The following MSL2 variants were observed in gnomAD, a reference collection of about 807,000 sequenced individuals.
MSL2 encodes the protein E3 ubiquitin-protein ligase MSL2.
Under a neutral mutation model 35.8 loss-of-function variants are expected in MSL2, and 2 were observed. The ratio of observed to expected loss-of-function variants is 0.06; its 90% CI spans 0.02 to 0.18. The LOEUF (loss-of-function observed/expected upper bound fraction) is 0.18, where lower values mean the gene tolerates loss of function less well. MSL2 is among the 10% of genes least tolerant of loss of function. MSL2 has a pLI of 1.00. For missense variants in MSL2, 523 were observed against 706.7 expected, an observed-to-expected ratio of 0.74 and a Z score of 2.95; for synonymous variants, 296 against 255.7, an observed-to-expected ratio of 1.16 and a Z score of -1.50.
chr3:136,167,324 G>A (rs1448948102), intron 1 of MSL2, among the ~76,000 whole-genome samples: 3 of 150,206 alleles, frequency 2.0e-5, no homozygotes, highest in African/African-American at 7.5e-5. Flanking sequence ...AGTGAAAAAT[G>A]GTTTAGTTGT....
chr3:136,175,541 G>C (rs754973158), intron 1 of MSL2, among the ~76,000 whole-genome samples: 1 of 151,964 alleles, frequency 6.6e-6, no homozygotes, highest in Non-Finnish European at 1.5e-5. Context: ...AACAAAATTA[G>C]CCAGACATGG....
At chr3:136,161,466 A>G (rs941375216) in intron 1 of MSL2, among the ~76,000 whole-genome samples, 2 of 152,234 alleles carry the variant, frequency 1.3e-5, no homozygotes, top group African/African-American at 4.8e-5. Context: ...ACACAATCCA[A>G]ATGTCCATTA....
At chr3:136,194,419 A>T in intron 1 of MSL2, 17 of 985,482 alleles carry the variant, frequency 1.7e-5, no homozygotes, top group Non-Finnish European at 2.0e-5. Context: ...TTCGAGTACC[A>T]ACAGCCTTCC....
chr3:136,172,367 T>TC (rs1034993967), intron 1 of MSL2, among the ~76,000 whole-genome samples: 2 of 151,468 alleles, frequency 1.3e-5, no homozygotes, highest in East Asian at 3.9e-4. Flanking sequence ...CCTCCCATAC[T>TC]CCCCCCACCC....
intron 1 of MSL2, among the ~76,000 whole-genome samples, chr3:136,166,514 T>C (rs186331057): frequency 2.0e-5 from 3 of 152,320 alleles, no homozygotes; most frequent in Admixed American, 2.0e-4. Flanking sequence ...ACCTTCCCTC[T>C]TATTAAAACA....
intron 1 of MSL2, among the ~76,000 whole-genome samples, chr3:136,165,090 G>C (rs1031321078): frequency 1.3e-5 from 2 of 151,742 alleles, no homozygotes; most frequent in African/African-American, 4.8e-5. Context: ...GGCCAGGCTG[G>C]TCTTGAACTG....
At chr3:136,173,199 A>G in intron 1 of MSL2, among the ~76,000 whole-genome samples, 1 of 152,192 alleles carries the variant, frequency 6.6e-6, no homozygotes, top group East Asian at 1.9e-4. Context: ...AAGGTGGAAC[A>G]TACTTCTTTC....
intron 1 of MSL2, among the ~76,000 whole-genome samples, chr3:136,189,308 A>T (rs1340950025): frequency 1.1e-4 from 14 of 130,522 alleles, no homozygotes; most frequent in South Asian, 2.5e-4. Flanking sequence ...CGAGAAAATT[A>T]AAAAAAAAAA....
intron 1 of MSL2, among the ~76,000 whole-genome samples, chr3:136,171,144 T>C (rs1269510296): frequency 1.3e-5 from 2 of 152,192 alleles, no homozygotes; most frequent in Non-Finnish European, 1.5e-5. Context: ...GTTAAATCTT[T>C]AAAAATTTAG....
At position 136,195,710 on chromosome 3, in the gene MSL2, G is replaced by A; in HGVS notation, c.-597C>T. 1 of 985,326 alleles carries A rather than the reference G, an allele frequency of 1.0e-6. No homozygotes were observed. Among genetic ancestry groups the A allele is most frequent in the Non-Finnish European group, 1.2e-6 (1 of 829,880 alleles). The allele number at this position is 985,326 out of a possible 1,614,324, so 61.0% of individuals were successfully genotyped here. A position where few individuals can be genotyped will look rare whatever the true frequency, so the allele number is the denominator to read the frequency against. On this transcript the variant is annotated 5_prime_UTR_variant, in exon 1 of 2. Coordinates refer to ENST00000309993, the MANE Select transcript of MSL2 (RefSeq NM_018133.4). ...GATGTTGCGGCTGGCGGACGCCGCC[G>A]CCGCGCTCTCCATATCGGACGCGGG...
intron 1 of MSL2, among the ~76,000 whole-genome samples, chr3:136,169,438 G>A (rs1276032825): frequency 6.6e-6 from 1 of 151,970 alleles, no homozygotes; most frequent in Non-Finnish European, 1.5e-5. Flanking sequence ...ATTGGTTTTG[G>A]TGGGTTGTTT....
At chr3:136,164,530 C>T (rs571305289) in intron 1 of MSL2, among the ~76,000 whole-genome samples, 15 of 152,212 alleles carry the variant, frequency 9.9e-5, no homozygotes, top group Non-Finnish European at 2.1e-4. Context: ...ATACACTTCA[C>T]AATGAAGGCA....
At position 136,157,771 on chromosome 3, in the gene MSL2, A is replaced by C. The variant is rs142208351; in HGVS notation, c.143-5033T>G. Among the ~76,000 whole-genome samples, 8 of 152,380 alleles carry C rather than the reference A, an allele frequency of 5.3e-5. No individual in the cohort carries two copies. The East Asian group carries it at 1.2e-3, about 22-fold the overall frequency. On this transcript the variant is annotated intron_variant, in intron 1 of 1. Coordinates refer to ENST00000309993, the MANE Select transcript of MSL2 (RefSeq NM_018133.4). ...CGATGAAATGGATACATTTCTCTAA[A>C]GACACAAATGACCAAAATTCACTGG... is the stretch of plus-strand genomic sequence containing the variant.
chr3:136,187,040 T>C (rs1439379258), intron 1 of MSL2, among the ~76,000 whole-genome samples: 2 of 152,156 alleles, frequency 1.3e-5, no homozygotes, highest in East Asian at 3.8e-4. Flanking sequence ...TTTTCCCAAA[T>C]ATTTTAGATC....
chr3:136,175,731 C>G (rs529457398), intron 1 of MSL2, among the ~76,000 whole-genome samples: 6 of 152,212 alleles, frequency 3.9e-5, no homozygotes, highest in East Asian at 1.9e-4. Context: ...GAACAATAAC[C>G]GTTTCATAAT....
intron 1 of MSL2, among the ~76,000 whole-genome samples, chr3:136,165,402 C>T (rs972410555): frequency 2.6e-5 from 4 of 151,952 alleles, no homozygotes; most frequent in African/African-American, 9.7e-5. Context: ...GTTTAGTTAC[C>T]AATTTCTTAT....
chr3:136,185,459 A>G (rs1459592837), intron 1 of MSL2, among the ~76,000 whole-genome samples: 1 of 151,742 alleles, frequency 6.6e-6, no homozygotes. Flanking sequence ...ATGGACACAA[A>G]AATCACCCTT....
chr3:136,161,799 A>G (rs151175748), intron 1 of MSL2, among the ~76,000 whole-genome samples: 66 of 152,304 alleles, frequency 4.3e-4, no homozygotes, highest in African/African-American at 1.6e-3. Context: ...AAATTTAAAA[A>G]TAACACTTTA....
chr3:136,152,158 T>C lies in MSL2; in HGVS notation c.723A>G (p.Thr241=). Residue 241 remains threonine (T), a synonymous_variant, in exon 2 of 2, where the codon ACA becomes ACG. Transcript: ENST00000309993. ...CTGTGGAACATAAGTCAGTGGCTAC[T>C]GTGTCACAAACGGGTGGCAGGCTGT... is the stretch of plus-strand genomic sequence containing the variant. ...LSDSLPPVCD[T]VATDLCSTGI... 2.5e-6 allele frequency: 4 copies of C among 1,614,234 alleles called. No homozygotes were observed. Among genetic ancestry groups the C allele is most frequent in the Non-Finnish European group, 3.4e-6 (4 of 1,180,038 alleles).
Sources: gnomAD v4.1 joint callset for allele counts (sites outside exome capture counted in the v4.1 genomes callset) on GRCh38, gnomAD v4.1.1 for gene constraint, MANE v1.5 for transcripts, NCBI Gene and HGNC (gene_info 2026-07-23, HGNC 2026-07-21) for gene names.